The following LARGE1 variants were observed in gnomAD, a reference collection of about 807,000 sequenced individuals.
The protein encoded by LARGE1 is LARGE xylosyl- and glucuronyltransferase 1, also known as xylosyl- and glucuronyltransferase LARGE1.
In LARGE1, 43 loss-of-function variants were observed where a neutral mutation model predicts 87.6. That is an observed-to-expected ratio of 0.49 (90% CI 0.38 to 0.63). LARGE1 has a LOEUF of 0.63. Among genes scored for constraint, LARGE1 ranks in the 30% least tolerant of loss-of-function variants. The pLI is 0.00. For missense variants in LARGE1, 802 were observed against 1,000.2 expected (o/e 0.80, Z 2.67); for synonymous variants, 434 against 394.6 (o/e 1.10, Z -1.18).
chr22:33,744,165 G>T (rs974974061), intron 2 of LARGE1: 1 of 152,114 alleles, frequency 6.6e-6, no homozygotes, highest in African/African-American at 2.4e-5. Flanking sequence ...CCTCAAAAAC[G>T]AAAGGAATAA....
intron 11 of LARGE1, among the ~76,000 whole-genome samples, chr22:33,315,282 T>C (rs1936028400): frequency 6.6e-6 from 1 of 152,208 alleles, no homozygotes; most frequent in South Asian, 2.1e-4. Flanking sequence ...TGTGAACGTG[T>C]TATACAACTC....
In LARGE1 at chr22:33,774,401, G is replaced by A. The variant is rs544093985; in HGVS notation, c.-82-12843C>T. Among the ~76,000 whole-genome samples, 215 of 152,146 alleles carry A rather than the reference G, an allele frequency of 1.4e-3. 1 individual carries two copies. The highest frequency in any genetic ancestry group is 2.5e-3 in the Non-Finnish European group (171 of 68,022). ...AGACGGAGTCTTGCTCTGTGGCCCA[G>A]GCTGGAGTGCAGTGGCACGATCTCG... On this transcript the variant is annotated intron_variant, in intron 1 of 14. Coordinates refer to ENST00000397394, the MANE Select transcript of LARGE1 (RefSeq NM_133642.5).
chr22:33,563,660 T>C (rs372795960), intron 6 of LARGE1, among the ~76,000 whole-genome samples: 2 of 152,320 alleles, frequency 1.3e-5, no homozygotes, highest in East Asian at 3.9e-4. Flanking sequence ...GTTTCTTTCT[T>C]TATGAAACAA....
At chr22:33,131,418 A>G in the LARGE1 span, among the ~76,000 whole-genome samples, 12 of 151,714 alleles carry the variant, frequency 7.9e-5, no homozygotes, top group Admixed American at 2.0e-4. Flanking sequence ...CTCATTGCCT[A>G]TTCTCTCCCT....
At chr22:33,899,747 G>A (rs1269944684) in intron 1 of LARGE1, among the ~76,000 whole-genome samples, 1 of 152,184 alleles carries the variant, frequency 6.6e-6, no homozygotes, top group Non-Finnish European at 1.5e-5. Flanking sequence ...TCGATGACCA[G>A]CAGCCCTCAG....
chr22:33,403,980 T>A (rs900481270), intron 7 of LARGE1, among the ~76,000 whole-genome samples: 1 of 152,208 alleles, frequency 6.6e-6, no homozygotes, highest in Admixed American at 6.5e-5. Flanking sequence ...TAGACCAGTA[T>A]CTTCTGCAAG....
intron 4 of LARGE1, among the ~76,000 whole-genome samples, chr22:33,612,070 C>T (rs1159161132): frequency 3.9e-5 from 6 of 152,182 alleles, no homozygotes; most frequent in Admixed American, 3.9e-4. Context: ...CCAATTAAAT[C>T]TCTTTTCTTT....
At chr22:33,309,382 G>A (rs1935309183) in intron 11 of LARGE1, among the ~76,000 whole-genome samples, 2 of 152,150 alleles carry the variant, frequency 1.3e-5, no homozygotes, top group Admixed American at 6.5e-5. Context: ...GGCCAGGCTG[G>A]TCTGGAGCTC....
chr22:33,648,216 T>C (rs1190215957), intron 3 of LARGE1, among the ~76,000 whole-genome samples: 5 of 152,208 alleles, frequency 3.3e-5, no homozygotes, highest in Non-Finnish European at 7.3e-5. Context: ...TCTACACAAT[T>C]GTACAGGGGA....
In LARGE1 at chr22:33,213,608, G is replaced by A. The variant is rs972838530; in HGVS notation, c.1731-46776C>T. On this transcript the variant is annotated intron_variant, in intron 11 of 11. Coordinates refer to the LARGE1 transcript ENST00000608642. ...ATCAATCATCAAGGCAAGATCATCC[G>A]CCAGCAAAAAGACGATGATTCACTG... Among the ~76,000 whole-genome samples, 51 of 152,232 alleles carry A rather than the reference G, an allele frequency of 3.4e-4. 1 individual carries two copies. The highest frequency in any genetic ancestry group is 2.9e-4 in the Non-Finnish European group (20 of 68,014).
intron 11 of LARGE1, among the ~76,000 whole-genome samples, chr22:33,220,911 T>A (rs1384059896): frequency 6.6e-6 from 1 of 152,090 alleles, no homozygotes; most frequent in Non-Finnish European, 1.5e-5. Flanking sequence ...CGGCCTTGCA[T>A]GGTTAGAGCA....
At chr22:33,646,893 A>C (rs550332138) in intron 3 of LARGE1, among the ~76,000 whole-genome samples, 12 of 152,106 alleles carry the variant, frequency 7.9e-5, no homozygotes, top group Admixed American at 7.2e-4. Context: ...ACGCCCAGCT[A>C]TTTTTTTGTA....
intron 4 of LARGE1, among the ~76,000 whole-genome samples, chr22:33,611,207 C>T (rs1266199230): frequency 1.3e-5 from 2 of 151,644 alleles, no homozygotes; most frequent in African/African-American, 2.4e-5. Context: ...GGGCCACTAT[C>T]GTCCACATTC....
intron 2 of LARGE1, among the ~76,000 whole-genome samples, chr22:33,760,846 G>C (rs532599406): frequency 3.9e-5 from 6 of 152,078 alleles, no homozygotes; most frequent in Non-Finnish European, 7.4e-5. Context: ...CTTGAACTCG[G>C]GAGGCAGGGG....
At chr22:33,461,829 A>G (rs2068395649) in intron 6 of LARGE1, among the ~76,000 whole-genome samples, 1 of 152,046 alleles carries the variant, frequency 6.6e-6, no homozygotes, top group South Asian at 2.1e-4. Context: ...CCCTATGGAG[A>G]GGCCCACATA....
At chr22:33,116,670 T>C in the LARGE1 span, among the ~76,000 whole-genome samples, 303 of 152,246 alleles carry the variant, frequency 2.0e-3, 2 homozygotes, top group African/African-American at 6.9e-3. Flanking sequence ...GCTCCCTGAT[T>C]AGTTTCAATG....
At chr22:33,776,482 C>T (rs1453628541) in intron 1 of LARGE1, among the ~76,000 whole-genome samples, 1 of 152,200 alleles carries the variant, frequency 6.6e-6, no homozygotes, top group Non-Finnish European at 1.5e-5. Context: ...CAAGGTCAGA[C>T]TACAGCTTCA....
At chr22:33,537,562 G>T (rs1175405705) in intron 6 of LARGE1, among the ~76,000 whole-genome samples, 1 of 151,996 alleles carries the variant, frequency 6.6e-6, no homozygotes, top group Non-Finnish European at 1.5e-5. Context: ...GCTATACAGG[G>T]TTTATTTGTT....
At chr22:33,856,877 C>T (rs2063770550) in intron 1 of LARGE1, 1 of 152,144 alleles carries the variant, frequency 6.6e-6, no homozygotes. Context: ...CCTGTCTCCC[C>T]GCCGCTCCCT....
Sources: gnomAD v4.1 joint callset for allele counts (sites outside exome capture counted in the v4.1 genomes callset) on GRCh38, gnomAD v4.1.1 for gene constraint, MANE v1.5 for transcripts, NCBI Gene and HGNC (gene_info 2026-07-23, HGNC 2026-07-21) for gene names.